The following RAPGEF4 variants were observed in gnomAD, a reference collection of about 807,000 sequenced individuals.
The protein encoded by RAPGEF4 is Rap guanine nucleotide exchange factor 4, also known as RAP guanine-nucleotide-exchange factor (GEF) 4.
Under a neutral mutation model 147.9 loss-of-function variants are expected in RAPGEF4, and 66 were observed. The observed-to-expected ratio is 0.45, with a 90% CI of 0.37 to 0.55. The LOEUF (loss-of-function observed/expected upper bound fraction) is 0.55. Ranked by LOEUF, RAPGEF4 falls within the 20% of genes least tolerant of loss-of-function variation. The pLI, the probability that RAPGEF4 is intolerant of heterozygous loss-of-function variation, is 0.00. For missense variants in RAPGEF4, 1,071 were observed against 1,257.3 expected, an observed-to-expected ratio of 0.85 and a Z score of 2.24; for synonymous variants, 419 against 442.7, an observed-to-expected ratio of 0.95 and a Z score of 0.67.
intron 4 of RAPGEF4, among the ~76,000 whole-genome samples, chr2:172,896,410 A>G (rs1698483144): frequency 6.6e-6 from 1 of 152,204 alleles, no homozygotes; most frequent in Non-Finnish European, 1.5e-5. Flanking sequence ...TCTTACTCAC[A>G]TTTTGTATTA....
At chr2:173,033,551 A>G (rs1254930951) in intron 26 of RAPGEF4, among the ~76,000 whole-genome samples, 1 of 152,220 alleles carries the variant, frequency 6.6e-6, no homozygotes, top group Non-Finnish European at 1.5e-5. Context: ...TGTAATCTAA[A>G]TTCCTGATTG....
chr2:172,910,904 A>G (rs952365258), intron 4 of RAPGEF4, among the ~76,000 whole-genome samples: 2 of 152,232 alleles, frequency 1.3e-5, no homozygotes, highest in East Asian at 1.9e-4. Context: ...GGTCAGCCCA[A>G]GTTCAAAAGG....
chr2:172,806,536 C>T (rs551568355), intron 3 of RAPGEF4, among the ~76,000 whole-genome samples: 1 of 152,288 alleles, frequency 6.6e-6, no homozygotes, highest in South Asian at 2.1e-4. Flanking sequence ...AGGGTCTGTG[C>T]TTTTTGAAAT....
At chr2:172,815,479 C>T (rs1451603773) in intron 4 of RAPGEF4, among the ~76,000 whole-genome samples, 6 of 152,104 alleles carry the variant, frequency 3.9e-5, no homozygotes, top group African/African-American at 9.7e-5. Flanking sequence ...GAGCTCCAAC[C>T]GTTCTGTAAA....
At chr2:172,826,431 G>A (rs1235627154) in intron 4 of RAPGEF4, among the ~76,000 whole-genome samples, 1 of 152,132 alleles carries the variant, frequency 6.6e-6, no homozygotes, top group Non-Finnish European at 1.5e-5. Context: ...TGTTTGGAGG[G>A]TGTTTTTTGC....
At chr2:172,800,174 C>A (rs1229769761) in intron 3 of RAPGEF4, among the ~76,000 whole-genome samples, 1 of 152,132 alleles carries the variant, frequency 6.6e-6, no homozygotes, top group Non-Finnish European at 1.5e-5. Context: ...TGTATTTCAT[C>A]CCACAATGTT....
At chr2:172,735,741 C>CGGCG (rs558674907), upstream of RAPGEF4, 23,106 of 170,614 alleles carry the variant, frequency 0.14, 1,754 homozygotes, top group Non-Finnish European at 0.15. Context: ...CGCAGTGCAG[C>CGGCG]GGCGGGCGGG....
intron 30 of RAPGEF4, among the ~76,000 whole-genome samples, chr2:173,050,085 T>C (rs114027314): frequency 8.5e-4 from 130 of 152,338 alleles, no homozygotes; most frequent in African/African-American, 3.0e-3. Context: ...CATTCTTCTA[T>C]GTCACCTCCT....
chr2:172,817,956 T>A (rs1323216378), intron 4 of RAPGEF4, among the ~76,000 whole-genome samples: 2 of 146,702 alleles, frequency 1.4e-5, no homozygotes, highest in African/African-American at 2.5e-5. Flanking sequence ...GTATATTATA[T>A]GAATTATATA....
At chr2:172,794,347 C>CAAAAAAAAAAAAAAAAA (rs59850502) in intron 1 of RAPGEF4, among the ~76,000 whole-genome samples, 2 of 101,934 alleles carry the variant, frequency 2.0e-5, no homozygotes, top group African/African-American at 3.8e-5. Context: ...AACTCCATCT[C>CAAAAAAAAAAAAAAAAA]AAAAAAAAAA....
At chr2:172,936,104 C>T (rs1686531750) in intron 6 of RAPGEF4, among the ~76,000 whole-genome samples, 1 of 152,188 alleles carries the variant, frequency 6.6e-6, no homozygotes, top group African/African-American at 2.4e-5. Context: ...AAATCTTCCT[C>T]ATGCCTGTAA....
intron 1 of RAPGEF4, among the ~76,000 whole-genome samples, chr2:172,742,717 G>A (rs1001509282): frequency 6.6e-6 from 1 of 152,160 alleles, no homozygotes; most frequent in Non-Finnish European, 1.5e-5. Flanking sequence ...TATGTAATTA[G>A]GGTTAAATTC....
Position 172,967,366 on chromosome 2 carries a change from A to T in RAPGEF4, c.926A>T (p.Asp309Val), listed in dbSNP as rs1200648437. ...LPTEEEKKEC[D>V]EELQDTMLLL... ...ACTGAGGAGGAGAAGAAGGAGTGTG[A>T]TGAGGAGCTCCAGGACACCATGCTG... The change falls in exon 10 of 31, where the codon GAT (aspartate) becomes GTT (valine). Residue 309 changes from aspartate to valine, a missense_variant. Coordinates refer to ENST00000397081, the MANE Select transcript of RAPGEF4 (RefSeq NM_007023.4). 6.2e-7 allele frequency: 1 copy of T among 1,611,970 alleles called. No homozygotes were observed. The highest frequency in any genetic ancestry group is 8.5e-7 in the Non-Finnish European group (1 of 1,179,836).
rs200432872 is a variant in RAPGEF4 at position 172,785,267 on chromosome 2, T to C, written c.66-9758T>C. ...TACATAGTATTTAAGATCTTAACTG[T>C]TGTTATAGAGAAAAAACACAATGCA... is the stretch of plus-strand genomic sequence containing the variant. On this transcript the variant is annotated intron_variant, in intron 1 of 30. Transcript: ENST00000397081. 2.0e-5 allele frequency among the ~76,000 whole-genome samples: 3 copies of C among 152,238 alleles called. No individual in the cohort carries two copies. In the East Asian group the frequency reaches 5.8e-4, roughly 29 times the overall value.
intron 23 of RAPGEF4, among the ~76,000 whole-genome samples, chr2:173,026,078 C>T (rs1696634849): frequency 6.6e-6 from 1 of 152,140 alleles, no homozygotes; most frequent in African/African-American, 2.4e-5. Flanking sequence ...CCCTCATGAC[C>T]CCAGGCAGTG....
chr2:173,009,225 C>T (rs1694782172), intron 17 of RAPGEF4, among the ~76,000 whole-genome samples: 2 of 152,224 alleles, frequency 1.3e-5, no homozygotes, highest in African/African-American at 4.8e-5. Flanking sequence ...GATGGGATTC[C>T]GGGTAACTTA....
intron 15 of RAPGEF4, 65 bp from the exon 16 acceptor site, chr2:172,996,401 G>T: frequency 5.4e-6 from 5 of 918,422 alleles, no homozygotes; most frequent in East Asian, 2.9e-5. Flanking sequence ...ACTTAGATAA[G>T]TAAAAGTTTT....
chr2:172,783,275 G>C (rs546377544), intron 1 of RAPGEF4, among the ~76,000 whole-genome samples: 1 of 152,140 alleles, frequency 6.6e-6, no homozygotes, highest in South Asian at 2.1e-4. Flanking sequence ...CCTTTTTATT[G>C]CTTTGCTTAA....
At chr2:172,917,923 ATG>A in intron 5 of RAPGEF4, 49 bp downstream of exon 5, 1 of 1,467,804 alleles carries the variant, frequency 6.8e-7, no homozygotes, top group Non-Finnish European at 9.5e-7. Flanking sequence ...GTCGTGTGGT[ATG>A]TGTTTTCATG....
Sources: allele counts gnomAD v4.1 joint callset (sites outside exome capture counted in the v4.1 genomes callset), GRCh38; gene constraint gnomAD v4.1.1; transcripts MANE v1.5; gene names NCBI Gene and HGNC (gene_info 2026-07-23, HGNC 2026-07-21).